ERBB4: variants seen among roughly 807,000 people sequenced by gnomAD.
The protein encoded by ERBB4 is erb-b2 receptor tyrosine kinase 4, also known as receptor tyrosine-protein kinase erbB-4.
In ERBB4, 42 loss-of-function variants were observed where a neutral mutation model predicts 158.0. That is an observed-to-expected ratio of 0.27 (90% CI 0.21 to 0.34). ERBB4 has a LOEUF of 0.34. Among genes scored for constraint, ERBB4 ranks in the 10% least tolerant of loss-of-function variants. The probability of loss-of-function intolerance (pLI) is 1.00; values close to 1 mark genes in which losing one functional copy is unlikely to be tolerated. For missense variants in ERBB4, 1,333 were observed against 1,624.1 expected (o/e 0.82, Z 3.08); for synonymous variants, 583 against 558.7 (o/e 1.04, Z -0.61).
At chr2:211,433,216 A>T (rs574513094) in intron 20 of ERBB4, among the ~76,000 whole-genome samples, 18 of 152,340 alleles carry the variant, frequency 1.2e-4, no homozygotes, top group African/African-American at 3.6e-4. Flanking sequence ...GGTCCCTTAT[A>T]TGTCATGGTA....
In ERBB4 at chr2:211,480,395, C is replaced by T. The variant is rs372137553; in HGVS notation, c.2488-49295G>A. 6.6e-5 allele frequency among the ~76,000 whole-genome samples: 10 copies of T among 152,146 alleles called. 1 individual carries two copies. In the South Asian group the frequency reaches 1.7e-3, roughly 25 times the overall value. ...GGGTACAAATTTCTCACTTACTGTT[C>T]TTGTGATAGTGAGAGAGTTCTCCTT... On this transcript the variant is annotated intron_variant, in intron 20 of 27. Coordinates refer to ENST00000342788, the MANE Select transcript of ERBB4 (RefSeq NM_005235.3).
chr2:211,902,945 A>G (rs73073353), intron 3 of ERBB4, among the ~76,000 whole-genome samples: 22,642 of 151,950 alleles, frequency 0.15, 2,105 homozygotes, highest in African/African-American at 0.26. Context: ...TTCACTCAGT[A>G]AAACTAATTA....
At chr2:211,684,750 A>T (rs563096536) in intron 12 of ERBB4, among the ~76,000 whole-genome samples, 1 of 152,332 alleles carries the variant, frequency 6.6e-6, no homozygotes, top group South Asian at 2.1e-4. Context: ...ACTGATGCCA[A>T]CTGGTCTGAA....
At chr2:212,080,041 A>C (rs1246649753) in intron 2 of ERBB4, among the ~76,000 whole-genome samples, 1 of 151,994 alleles carries the variant, frequency 6.6e-6, no homozygotes. Context: ...AAATTAACAG[A>C]AATCAGCTGG....
chr2:212,070,838 A>C (rs1452310746), intron 2 of ERBB4, among the ~76,000 whole-genome samples: 1 of 152,034 alleles, frequency 6.6e-6, no homozygotes, highest in East Asian at 1.9e-4. Context: ...TCCTTTTTCA[A>C]ATTTAAGAAT....
intron 3 of ERBB4, among the ~76,000 whole-genome samples, chr2:211,834,644 A>G (rs1162843987): frequency 6.6e-6 from 1 of 152,148 alleles, no homozygotes; most frequent in Non-Finnish European, 1.5e-5. Context: ...AAGACTCAAT[A>G]AATATCGAAT....
At chr2:212,528,506 C>T (rs566993245) in intron 1 of ERBB4, among the ~76,000 whole-genome samples, 10 of 152,240 alleles carry the variant, frequency 6.6e-5, no homozygotes, top group African/African-American at 2.4e-4. Flanking sequence ...TAAAAAAGGT[C>T]AGGAAAGTTC....
chr2:211,726,854 A>G (rs1272383536), intron 5 of ERBB4, among the ~76,000 whole-genome samples: 1 of 152,284 alleles, frequency 6.6e-6, no homozygotes, highest in Middle Eastern at 3.4e-3. Context: ...AAGGGACAAA[A>G]GCCCTCCATA....
At chr2:212,529,133 T>A (rs146952448) in intron 1 of ERBB4, among the ~76,000 whole-genome samples, 76 of 152,286 alleles carry the variant, frequency 5.0e-4, no homozygotes, top group African/African-American at 1.8e-3. Context: ...AAAGCTGGCA[T>A]CTTGAGCTTC....
chr2:211,661,643 A>C (rs1207636638), intron 15 of ERBB4, among the ~76,000 whole-genome samples: 4 of 152,154 alleles, frequency 2.6e-5, no homozygotes, highest in Non-Finnish European at 5.9e-5. Flanking sequence ...CTCCATTAAA[A>C]GATTATAGAC....
intron 16 of ERBB4, among the ~76,000 whole-genome samples, chr2:211,641,289 C>T (rs544557236): frequency 4.6e-5 from 7 of 152,026 alleles, no homozygotes; most frequent in African/African-American, 1.4e-4. Context: ...TTTTGTTTTG[C>T]TGATAGACTA....
intron 1 of ERBB4, among the ~76,000 whole-genome samples, chr2:212,537,748 C>CT (rs10639453): frequency 0.042 from 6,081 of 143,504 alleles, 305 homozygotes; most frequent in African/African-American, 0.12. Context: ...TGTGCCAAGC[C>CT]TTTTTTTTTT....
intron 22 of ERBB4, among the ~76,000 whole-genome samples, chr2:211,426,906 AATAT>A (rs919360484): frequency 2.0e-5 from 3 of 151,978 alleles, no homozygotes. Context: ...TGTATCATAT[AATAT>A]ATAAAGTTAT....
chr2:212,240,898 C>T (rs1433202561), intron 1 of ERBB4, among the ~76,000 whole-genome samples: 1 of 151,974 alleles, frequency 6.6e-6, no homozygotes, highest in African/African-American at 2.4e-5. Flanking sequence ...TAGTCTGCCT[C>T]TTGTTATAGG....
intron 1 of ERBB4, among the ~76,000 whole-genome samples, chr2:212,257,065 A>T (rs2084765152): frequency 6.6e-6 from 1 of 152,030 alleles, no homozygotes; most frequent in South Asian, 2.1e-4. Flanking sequence ...GCCCTCCTCC[A>T]CCCAGCAGTC....
intron 16 of ERBB4, among the ~76,000 whole-genome samples, chr2:211,635,640 T>C (rs994681038): frequency 2.6e-5 from 4 of 152,138 alleles, no homozygotes; most frequent in African/African-American, 9.6e-5. Flanking sequence ...AATTCATGAT[T>C]AAAACTCAAA....
chr2:211,603,999 A>C (rs2068890864), intron 19 of ERBB4, among the ~76,000 whole-genome samples: 1 of 152,196 alleles, frequency 6.6e-6, no homozygotes. Flanking sequence ...AGGATACCAC[A>C]TTTCTAAAGA....
At chr2:212,245,821 T>C (rs2084287349) in intron 1 of ERBB4, among the ~76,000 whole-genome samples, 1 of 152,106 alleles carries the variant, frequency 6.6e-6, no homozygotes, top group Non-Finnish European at 1.5e-5. Context: ...AAAGAGCCCT[T>C]TGCTCTTTTT....
intron 21 of ERBB4, among the ~76,000 whole-genome samples, chr2:211,428,701 C>T (rs1559158635): frequency 6.6e-6 from 1 of 151,756 alleles, no homozygotes; most frequent in Non-Finnish European, 1.5e-5. Flanking sequence ...TAAAGATGTA[C>T]TATACTTATT....
Sources: gnomAD v4.1 joint callset for allele counts (sites outside exome capture counted in the v4.1 genomes callset) on GRCh38, gnomAD v4.1.1 for gene constraint, MANE v1.5 for transcripts, NCBI Gene and HGNC (gene_info 2026-07-23, HGNC 2026-07-21) for gene names.